NRG1: variants seen among roughly 807,000 people sequenced by gnomAD.
NRG1 encodes pro-neuregulin-1, membrane-bound isoform.
A neutral mutation model predicts 63.8 loss-of-function variants in NRG1; 18 were observed. That is an observed-to-expected ratio of 0.28 (90% confidence interval 0.19 to 0.42). The LOEUF (loss-of-function observed/expected upper bound fraction) is 0.42, where lower values mean the gene tolerates loss of function less well. Ranked by LOEUF, NRG1 falls within the 10% of genes least tolerant of loss-of-function variation. NRG1 has a pLI of 1.00. For missense variants in NRG1, 762 were observed against 814.7 expected (o/e 0.94, Z 0.79); for synonymous variants, 302 against 301.3 (o/e 1.00, Z -0.02).
At chr8:32,074,191 G>C (rs892062730) in intron 1 of NRG1, among the ~76,000 whole-genome samples, 8 of 152,050 alleles carry the variant, frequency 5.3e-5, no homozygotes, top group African/African-American at 1.9e-4. Context: ...TATCAATATT[G>C]GTATACTTTC....
chr8:32,398,435 A>G (rs1812725693), intron 1 of NRG1, among the ~76,000 whole-genome samples: 1 of 147,418 alleles, frequency 6.8e-6, no homozygotes, highest in Non-Finnish European at 1.5e-5. Context: ...TTTTAAGACC[A>G]GGTCTCACTC....
intron 5 of NRG1, among the ~76,000 whole-genome samples, chr8:32,676,059 G>C (rs993783675): frequency 5.9e-5 from 9 of 152,164 alleles, no homozygotes; most frequent in African/African-American, 1.9e-4. Flanking sequence ...CATGGTAAAA[G>C]TAGCAATTAT....
chr8:31,767,529 T>C (rs1377112805), intron 1 of NRG1, among the ~76,000 whole-genome samples: 1 of 152,146 alleles, frequency 6.6e-6, no homozygotes, highest in Non-Finnish European at 1.5e-5. Flanking sequence ...TAAGCCATAA[T>C]ATATAAAATA....
At chr8:31,649,341 T>G (rs1804617100) in intron 1 of NRG1, among the ~76,000 whole-genome samples, 1 of 152,200 alleles carries the variant, frequency 6.6e-6, no homozygotes, top group South Asian at 2.1e-4. Flanking sequence ...CCACCAGCAG[T>G]AAACAAGGGT....
intron 1 of NRG1, among the ~76,000 whole-genome samples, chr8:31,907,413 C>T (rs190827957): frequency 6.7e-6 from 1 of 148,976 alleles, no homozygotes; most frequent in African/African-American, 2.5e-5. Flanking sequence ...CATGTTTTTG[C>T]AGGCTTTTTA....
At chr8:32,071,495 C>T (rs1435926851) in intron 1 of NRG1, among the ~76,000 whole-genome samples, 3 of 152,142 alleles carry the variant, frequency 2.0e-5, no homozygotes, top group Non-Finnish European at 2.9e-5. Flanking sequence ...GGATGCATTC[C>T]TGTATTGGTA....
chr8:31,916,283 C>A (rs888899528), intron 1 of NRG1, among the ~76,000 whole-genome samples: 1 of 151,926 alleles, frequency 6.6e-6, no homozygotes, highest in African/African-American at 2.4e-5. Flanking sequence ...CGTATGTATA[C>A]ATGTGACATG....
intron 1 of NRG1, among the ~76,000 whole-genome samples, chr8:31,726,802 T>C (rs897397198): frequency 5.9e-5 from 9 of 152,124 alleles, no homozygotes; most frequent in African/African-American, 2.2e-4. Flanking sequence ...TTTGTACCCT[T>C]GCATTCATCA....
chr8:31,843,341 C>G (rs1220149369), intron 1 of NRG1, among the ~76,000 whole-genome samples: 1 of 152,192 alleles, frequency 6.6e-6, no homozygotes, highest in African/African-American at 2.4e-5. Context: ...TTTGCTCTTT[C>G]TCTTCCAGAT....
At chr8:32,412,831 G>A (rs1815303292) in intron 1 of NRG1, among the ~76,000 whole-genome samples, 1 of 152,060 alleles carries the variant, frequency 6.6e-6, no homozygotes, top group African/African-American at 2.4e-5. Context: ...TGTATATGTG[G>A]TGTGTCAGTA....
chr8:32,244,790 G>A (rs900667526), intron 1 of NRG1, among the ~76,000 whole-genome samples: 8 of 152,180 alleles, frequency 5.3e-5, no homozygotes, highest in Non-Finnish European at 1.2e-4. Context: ...TAAACCAGCT[G>A]TTGAGAAGTA....
In NRG1 at chr8:31,852,043, A is replaced by C. The variant is rs559759270; in HGVS notation, c.37+212612A>C. The stretch of plus-strand genomic sequence containing the variant: ...TTTGGGTTGGTTCCAAGTCTTTGCT[A>C]TTGTGAATAGTGCCGCAATAAACAT... On this transcript the variant is annotated intron_variant, in intron 1 of 10. Coordinates refer to the NRG1 transcript ENST00000519301. Among the ~76,000 whole-genome samples the C allele has an allele frequency of 2.9e-3, 431 of 149,736 alleles. 1 individual carries two copies. The Middle Eastern group carries it at 0.041, about 14-fold the overall frequency.
chr8:31,704,570 T>C (rs917802863), intron 1 of NRG1, among the ~76,000 whole-genome samples: 1 of 152,050 alleles, frequency 6.6e-6, no homozygotes, highest in South Asian at 2.1e-4. Flanking sequence ...CGGTGGCTCA[T>C]GCCTGTAATC....
At chr8:31,797,224 C>A (rs1412792098) in intron 1 of NRG1, among the ~76,000 whole-genome samples, 2 of 152,076 alleles carry the variant, frequency 1.3e-5, no homozygotes, top group African/African-American at 2.4e-5. Context: ...TCAGAGAAAC[C>A]AAATCTTGAG....
chr8:32,347,104 C>T (rs1026147672), intron 1 of NRG1, among the ~76,000 whole-genome samples: 4 of 152,108 alleles, frequency 2.6e-5, no homozygotes, highest in African/African-American at 7.2e-5. Flanking sequence ...GCTGGGATTA[C>T]GGGCATGAGC....
chr8:31,712,255 C>CTTTTTTTTTTTTTTTTTTTTTTTTTTTT (rs57363109), intron 1 of NRG1, among the ~76,000 whole-genome samples: 7 of 72,354 alleles, frequency 9.7e-5, no homozygotes, highest in Admixed American at 1.9e-4. Flanking sequence ...TCTTCATGAT[C>CTTTTTTTTTTTTTTTTTTTTTTTTTTTT]TTTTTTTTTT....
chr8:32,509,201 C>T (rs1002792037), intron 1 of NRG1, among the ~76,000 whole-genome samples: 1 of 151,958 alleles, frequency 6.6e-6, no homozygotes, highest in African/African-American at 2.4e-5. Context: ...CTCCTGTGCT[C>T]AGGTGATCAG....
At chr8:31,979,330 C>A (rs1359929697) in intron 1 of NRG1, among the ~76,000 whole-genome samples, 2 of 152,052 alleles carry the variant, frequency 1.3e-5, no homozygotes, top group Non-Finnish European at 2.9e-5. Flanking sequence ...ATTCTCTGAA[C>A]CATCCTCTCT....
chr8:32,588,619 G>T (rs1379371807), intron 1 of NRG1, among the ~76,000 whole-genome samples: 1 of 152,196 alleles, frequency 6.6e-6, no homozygotes, highest in Non-Finnish European at 1.5e-5. Context: ...TGCTTGCAAA[G>T]AAATTATTCA....
Sources: gnomAD v4.1 joint callset for allele counts (sites outside exome capture counted in the v4.1 genomes callset) on GRCh38, gnomAD v4.1.1 for gene constraint, MANE v1.5 for transcripts, NCBI Gene and HGNC (gene_info 2026-07-23, HGNC 2026-07-21) for gene names.